The following HFM1 variants were observed in gnomAD, a reference collection of about 807,000 sequenced individuals.
HFM1 encodes the protein helicase for meiosis 1.
Under a neutral mutation model 192.1 loss-of-function variants are expected in HFM1, and 169 were observed. The ratio of observed to expected loss-of-function variants is 0.88; its 90% CI spans 0.78 to 1.00. The LOEUF (loss-of-function observed/expected upper bound fraction) is 1.00. HFM1 is among the 50% of genes least tolerant of loss of function. HFM1 has a pLI of 0.00. For missense variants in HFM1, 1,661 were observed against 1,668.0 expected (o/e 1.00, Z 0.07); for synonymous variants, 525 against 537.8 (o/e 0.98, Z 0.33).
intron 19 of HFM1, among the ~76,000 whole-genome samples, chr1:91,346,958 A>AAGAAAAATACAGTGAGAACCCCTTTCT (rs1571040015): frequency 6.6e-6 from 1 of 151,948 alleles, no homozygotes; most frequent in South Asian, 2.1e-4. Flanking sequence ...ACCCCTTTCT[A>AAGAAAAATACAGTGAGAACCCCTTTCT]AAAAAAATAC....
At chr1:91,347,324 C>A in intron 19 of HFM1, 105 bp downstream of exon 19, 1 of 562,656 alleles carries the variant, frequency 1.8e-6, no homozygotes, top group Non-Finnish European at 3.0e-6. Flanking sequence ...AGACAAGTTT[C>A]CTTTTTAAAA....
At chr1:91,333,281 G>A (rs563988514) in intron 20 of HFM1, among the ~76,000 whole-genome samples, 35 of 152,276 alleles carry the variant, frequency 2.3e-4, no homozygotes, top group African/African-American at 8.4e-4. Flanking sequence ...CAGAAAGAAT[G>A]AGATCCTATC....
Position 91,293,556 on chromosome 1 carries a change from C to G in HFM1, c.3392-16494G>C, listed in dbSNP as rs1669037666. ...TTAAAAAGTCAGGAAACAACAGGTG[C>G]TGGAGAGGATGTGGAGAAATAGGAA... On this transcript the variant is annotated intron_variant, in intron 30 of 38. Coordinates refer to ENST00000370425, the MANE Select transcript of HFM1 (RefSeq NM_001017975.6). Among the ~76,000 whole-genome samples, 3 of 149,546 alleles carry G rather than the reference C, an allele frequency of 2.0e-5. No individual in the cohort carries two copies. In the South Asian group the frequency reaches 6.6e-4, roughly 33 times the overall value.
chr1:91,375,479 A>G (rs955850394), intron 12 of HFM1, 33 bp from the exon 13 acceptor site: 19 of 1,610,472 alleles, frequency 1.2e-5, no homozygotes, highest in Non-Finnish European at 1.4e-5. Context: ...TGTATTAATC[A>G]TGTTAAAAAC....
rs1664240790 is a variant in HFM1, at chr1:91,400,926, T to C, written c.71+86A>G. On this transcript the variant is annotated intron_variant, in intron 2 of 38. Coordinates refer to ENST00000370425, the MANE Select transcript of HFM1 (RefSeq NM_001017975.6). ...TTGATTCCTCATTTTTATTTGTATATTTACCAGAGAGAAAGCTAAAACTCA... is the reference window on the plus strand; with the variant it reads ...TTGATTCCTCATTTTTATTTGTATACTTACCAGAGAGAAAGCTAAAACTCA... 1.2e-5 allele frequency: 7 copies of C among 585,320 alleles called. No individual in the cohort carries two copies. The East Asian group carries it at 2.0e-4, about 16-fold the overall frequency. The allele number at this position is 585,320 out of a possible 1,614,324, so 36.3% of individuals were successfully genotyped here.
chr1:91,351,698 C>A, intron 16 of HFM1, 55 bp from the exon 17 acceptor site: 2 of 877,042 alleles, frequency 2.3e-6, no homozygotes, highest in Non-Finnish European at 3.7e-6. Context: ...TGGTAGCAGT[C>A]CTCTTCAATA....
chr1:91,296,816 C>T (rs908442058), intron 30 of HFM1, among the ~76,000 whole-genome samples: 4 of 152,096 alleles, frequency 2.6e-5, no homozygotes, highest in African/African-American at 9.7e-5. Flanking sequence ...AGGGGAGGAG[C>T]CAAGATGGCC....
intron 30 of HFM1, among the ~76,000 whole-genome samples, chr1:91,293,450 G>A (rs1669018868): frequency 6.6e-6 from 1 of 152,092 alleles, no homozygotes; most frequent in African/African-American, 2.4e-5. Context: ...ATGAAAAAAG[G>A]CTCACCATCA....
chr1:91,329,348 G>A, intron 20 of HFM1: 1 of 1,602,080 alleles, frequency 6.2e-7, no homozygotes, highest in South Asian at 1.1e-5. Context: ...TCCACAGTGG[G>A]GTCAAGAGGC....
intron 20 of HFM1, among the ~76,000 whole-genome samples, chr1:91,339,670 C>G (rs867066098): frequency 4.6e-5 from 7 of 152,026 alleles, no homozygotes; most frequent in African/African-American, 1.7e-4. Flanking sequence ...ATTTAAAACT[C>G]ATTGGTAGCC....
At chr1:91,367,441 T>G (rs1659510837) in intron 13 of HFM1, among the ~76,000 whole-genome samples, 1 of 152,080 alleles carries the variant, frequency 6.6e-6, no homozygotes, top group African/African-American at 2.4e-5. Context: ...GCATTTGCGG[T>G]TCACCAATAT....
intron 13 of HFM1, among the ~76,000 whole-genome samples, chr1:91,364,242 A>G (rs1050225990): frequency 3.3e-5 from 5 of 152,114 alleles, no homozygotes; most frequent in Non-Finnish European, 5.9e-5. Flanking sequence ...GGTGTTGAAC[A>G]TCACTAATTA....
intron 17 of HFM1, 50 bp downstream of exon 17, chr1:91,351,499 A>G: frequency 1.1e-6 from 1 of 929,726 alleles, no homozygotes; most frequent in South Asian, 1.6e-5. Context: ...AAGGAAATAA[A>G]ATAAGCTATA....
At position 91,296,044 on chromosome 1, in the gene HFM1, G is replaced by A. The variant is rs531832577; in HGVS notation, c.3391+17305C>T. Among the ~76,000 whole-genome samples the A allele has an allele frequency of 1.4e-4, 22 of 151,802 alleles. No individual in the cohort carries two copies. In the South Asian group the frequency reaches 1.5e-3, roughly 10 times the overall value. On this transcript the variant is annotated intron_variant, in intron 30 of 38. Coordinates refer to ENST00000370425, the MANE Select transcript of HFM1 (RefSeq NM_001017975.6). The stretch of plus-strand genomic sequence containing the variant: ...CCCAGGTTCATGCCATTCACCTCCC[G>A]AGTAGCTGGGACTACAGGCACCTGC...
At chr1:91,364,412 C>T (rs150738832) in intron 13 of HFM1, among the ~76,000 whole-genome samples, 16 of 151,192 alleles carry the variant, frequency 1.1e-4, no homozygotes, top group Middle Eastern at 3.4e-3. Context: ...ATGGAATTAC[C>T]ATATTACCAA....
At position 91,311,420 on chromosome 1, in the gene HFM1, G is replaced by A. The variant is rs963470863; in HGVS notation, c.3391+1929C>T. ...GCAGGTGGATCACCTGAGACCAGGAGTTTGAGACCAGCCTGACCAATATGG... is the reference window on the plus strand; with the variant it reads ...GCAGGTGGATCACCTGAGACCAGGAATTTGAGACCAGCCTGACCAATATGG... On this transcript the variant is annotated intron_variant, in intron 30 of 38. Transcript: ENST00000370425. Among the ~76,000 whole-genome samples the A allele has an allele frequency of 4.6e-5, 7 of 152,202 alleles. No homozygotes were observed. In the East Asian group the frequency reaches 1.2e-3, roughly 25 times the overall value.
At chr1:91,399,335 CAGAT>C (rs143380190) in intron 2 of HFM1, among the ~76,000 whole-genome samples, 4,523 of 152,158 alleles carry the variant, frequency 0.03, 122 homozygotes, top group Admixed American at 0.087. Flanking sequence ...ATAGCTTTGA[CAGAT>C]AGATATTTGA....
In HFM1 at chr1:91,370,854, C is replaced by T. The variant is rs543613562; in HGVS notation, c.1685+4504G>A. The stretch of plus-strand genomic sequence containing the variant: ...TATTTAGAAAACCCCATGTTCCCAG[C>T]GCAAAATCTCCTTAAGCTGATAGAT... On this transcript the variant is annotated intron_variant, in intron 13 of 38. Transcript: ENST00000370425. 3.4e-4 allele frequency among the ~76,000 whole-genome samples: 52 copies of T among 152,258 alleles called. 1 individual carries two copies. Among genetic ancestry groups the T allele is most frequent in the African/African-American group, 1.0e-3 (42 of 41,554 alleles).
At chr1:91,353,914 A>G (rs1282490180) in intron 13 of HFM1, among the ~76,000 whole-genome samples, 2 of 120,894 alleles carry the variant, frequency 1.7e-5, no homozygotes, top group African/African-American at 6.1e-5. Context: ...AGAGGGACAC[A>G]GGAAACATGA....
Sources: gnomAD v4.1 joint callset for allele counts (sites outside exome capture counted in the v4.1 genomes callset) on GRCh38, gnomAD v4.1.1 for gene constraint, MANE v1.5 for transcripts, NCBI Gene and HGNC (gene_info 2026-07-23, HGNC 2026-07-21) for gene names.